Variants in ARHGEF4 observed in about 807,000 individuals in gnomAD.
ARHGEF4 encodes Rho guanine nucleotide exchange factor 4.
ARHGEF4 carries 119 observed loss-of-function variants against 162.0 expected under a neutral mutation model. The observed-to-expected ratio is 0.73, with a 90% CI of 0.63 to 0.86. The LOEUF is 0.86. Ranked by LOEUF, ARHGEF4 falls within the 40% of genes least tolerant of loss-of-function variation. The probability of loss-of-function intolerance (pLI) is 0.00; values close to 1 mark genes in which losing one functional copy is unlikely to be tolerated. For missense variants in ARHGEF4, 2,488 were observed against 2,456.0 expected, an observed-to-expected ratio of 1.01 and a Z score of -0.28; for synonymous variants, 1,014 against 979.9, an observed-to-expected ratio of 1.03 and a Z score of -0.65.
intron 4 of ARHGEF4, among the ~76,000 whole-genome samples, chr2:130,991,711 A>G (rs909685172): frequency 2.0e-5 from 3 of 152,190 alleles, no homozygotes; most frequent in African/African-American, 7.2e-5. Context: ...GCAGCCCGCC[A>G]TGCCTGAGCC....
intron 4 of ARHGEF4, among the ~76,000 whole-genome samples, chr2:130,982,320 A>T (rs987341541): frequency 3.3e-5 from 5 of 152,106 alleles, no homozygotes; most frequent in African/African-American, 1.2e-4. Context: ...ATTTTATTTT[A>T]ATCAGGACTG....
chr2:130,911,868 A>T (rs1681212263), intron 1 of ARHGEF4, among the ~76,000 whole-genome samples: 1 of 152,214 alleles, frequency 6.6e-6, no homozygotes. Flanking sequence ...CATTCTAGTC[A>T]CCAGGGTCCT....
chr2:130,843,087 C>G (rs1270064352), intron 1 of ARHGEF4, among the ~76,000 whole-genome samples: 11 of 152,108 alleles, frequency 7.2e-5, no homozygotes, highest in Admixed American at 7.2e-4. Context: ...ATATCTGCCT[C>G]CTTTCTATTT....
chr2:130,909,019 G>T (rs745904078), intron 1 of ARHGEF4, among the ~76,000 whole-genome samples: 1 of 152,198 alleles, frequency 6.6e-6, no homozygotes, highest in Non-Finnish European at 1.5e-5. Flanking sequence ...CATGAACAAG[G>T]CTGGTGGTAC....
chr2:130,872,432 A>G (rs1398155853), intron 1 of ARHGEF4, among the ~76,000 whole-genome samples: 4 of 152,030 alleles, frequency 2.6e-5, no homozygotes, highest in East Asian at 1.9e-4. Context: ...AGGTACTTCT[A>G]TCCAAAGCAG....
intron 1 of ARHGEF4, among the ~76,000 whole-genome samples, chr2:130,848,306 C>T (rs544137442): frequency 5.3e-4 from 80 of 152,322 alleles, no homozygotes; most frequent in African/African-American, 1.8e-3. Context: ...CCCAGCATAC[C>T]GACTCGACCC....
intron 4 of ARHGEF4, among the ~76,000 whole-genome samples, chr2:131,014,285 A>C (rs948997459): frequency 1.5e-4 from 23 of 152,228 alleles, no homozygotes; most frequent in African/African-American, 4.6e-4. Flanking sequence ...CTGGCATTTC[A>C]CATTTGCCTA....
At chr2:130,913,214 A>T (rs961594109) in intron 1 of ARHGEF4, among the ~76,000 whole-genome samples, 1 of 152,042 alleles carries the variant, frequency 6.6e-6, no homozygotes, top group Admixed American at 6.5e-5. Flanking sequence ...GTTGGAGGGA[A>T]GCAGGGATTG....
chr2:131,036,252 G>C (rs1690273468), intron 5 of ARHGEF4, among the ~76,000 whole-genome samples: 1 of 152,272 alleles, frequency 6.6e-6, no homozygotes, highest in African/African-American at 2.4e-5. Context: ...ACCTCACAGA[G>C]CCACATTTTG....
intron 1 of ARHGEF4, among the ~76,000 whole-genome samples, chr2:130,898,703 C>T (rs1024540066): frequency 3.9e-5 from 6 of 152,050 alleles, no homozygotes; most frequent in African/African-American, 1.2e-4. Context: ...GCAGTGGGTG[C>T]GAACACAACA....
chr2:130,902,491 G>GTGCATGCAGAGGCCTCC (rs1257454367), intron 1 of ARHGEF4, among the ~76,000 whole-genome samples: 3 of 152,072 alleles, frequency 2.0e-5, no homozygotes, highest in Admixed American at 1.3e-4. Context: ...CTACTCGGGA[G>GTGCATGCAGAGGCCTCC]GCTGTGGTGG....
chr2:130,887,602 T>A (rs1275070720), intron 1 of ARHGEF4, among the ~76,000 whole-genome samples: 1 of 152,120 alleles, frequency 6.6e-6, no homozygotes, highest in East Asian at 1.9e-4. Flanking sequence ...TTTTCCTTGA[T>A]CAATCTTTTG....
At chr2:130,996,180 G>A (rs539815209) in intron 4 of ARHGEF4, among the ~76,000 whole-genome samples, 3 of 152,042 alleles carry the variant, frequency 2.0e-5, no homozygotes, top group Admixed American at 6.6e-5. Context: ...GAGCCACCAC[G>A]CCCAGCCTAT....
At chr2:130,871,247 T>C (rs1678460302) in intron 1 of ARHGEF4, among the ~76,000 whole-genome samples, 1 of 152,114 alleles carries the variant, frequency 6.6e-6, no homozygotes, top group Admixed American at 6.5e-5. Context: ...ACAAAGGCTT[T>C]CAAAGAGGCT....
intron 4 of ARHGEF4, among the ~76,000 whole-genome samples, chr2:131,007,233 C>T (rs1044960045): frequency 1.4e-4 from 22 of 152,150 alleles, no homozygotes; most frequent in African/African-American, 4.3e-4. Context: ...GTGTCTATTC[C>T]AAGGAGCCTC....
chr2:131,041,253 G>A lies in ARHGEF4; in HGVS notation c.4686G>A (p.Ser1562=), dbSNP rs781521501. The part of the protein sequence containing the change: ...LEHQADFQIY[S]EYCNNHPNAC... ...AGCAAGCCGACTTCCAGATCTACTC[G>A]GAGTACTGCAATAACCACCCCAACG... The change falls in exon 9 of 14, where the codon TCG becomes TCA. Residue 1562 remains serine, a synonymous_variant. Coordinates refer to ENST00000409359, the MANE Select transcript of ARHGEF4 (RefSeq NM_001367493.1). 1.2e-5 allele frequency: 20 copies of A among 1,613,726 alleles called. No individual in the cohort carries two copies. The highest frequency in any genetic ancestry group is 1.7e-5 in the Non-Finnish European group (20 of 1,179,968).
At chr2:130,923,429 T>C (rs1682016418) in intron 2 of ARHGEF4, among the ~76,000 whole-genome samples, 1 of 152,214 alleles carries the variant, frequency 6.6e-6, no homozygotes, top group South Asian at 2.1e-4. Flanking sequence ...TCCGTCCTTC[T>C]GACACAGTAT....
At chr2:130,852,879 G>A (rs554137577) in intron 1 of ARHGEF4, among the ~76,000 whole-genome samples, 179 of 152,334 alleles carry the variant, frequency 1.2e-3, no homozygotes, top group Admixed American at 1.7e-3. Context: ...GAAAAGGGCT[G>A]AGCGACACAA....
chr2:130,999,220 G>A (rs972689477), intron 4 of ARHGEF4, among the ~76,000 whole-genome samples: 8 of 148,860 alleles, frequency 5.4e-5, no homozygotes, highest in African/African-American at 7.5e-5. Flanking sequence ...GTGCAGTGGC[G>A]CGATCTTGGC....
Sources: allele counts gnomAD v4.1 joint callset (sites outside exome capture counted in the v4.1 genomes callset), GRCh38; gene constraint gnomAD v4.1.1; transcripts MANE v1.5; gene names NCBI Gene and HGNC (gene_info 2026-07-23, HGNC 2026-07-21).